Variants in VPS8 observed in about 807,000 individuals in gnomAD.
VPS8 encodes vacuolar protein sorting-associated protein 8 homolog.
In VPS8, 129 loss-of-function variants were observed where a neutral mutation model predicts 216.4. The ratio of observed to expected loss-of-function variants is 0.60; its 90% CI spans 0.52 to 0.69. VPS8 has a LOEUF of 0.69. Among genes scored for constraint, VPS8 ranks in the 30% least tolerant of loss-of-function variants. VPS8 has a pLI of 0.00. For synonymous variants in VPS8, 571 were observed against 565.4 expected, an observed-to-expected ratio of 1.01 and a Z score of -0.14; for missense variants, 1,531 against 1,683.5, an observed-to-expected ratio of 0.91 and a Z score of 1.59.
chr3:184,886,336 A>G (rs1180667097), intron 22 of VPS8, among the ~76,000 whole-genome samples, 180 bp downstream of exon 22: 1 of 152,212 alleles, frequency 6.6e-6, no homozygotes, highest in Non-Finnish European at 1.5e-5. Flanking sequence ...TCCCTAAGAC[A>G]GATGCTATGG....
intron 10 of VPS8, among the ~76,000 whole-genome samples, chr3:184,851,244 GATAA>G (rs1358808941): frequency 1.3e-5 from 2 of 152,188 alleles, no homozygotes; most frequent in African/African-American, 4.8e-5. Context: ...ATGCAGTTGA[GATAA>G]ATAACATATA....
At chr3:184,838,828 C>G in intron 6 of VPS8, 82 bp downstream of exon 6, 1 of 1,078,952 alleles carries the variant, frequency 9.3e-7, no homozygotes, top group Non-Finnish European at 1.3e-6. Flanking sequence ...GTTCAAAATA[C>G]TACATAAGTT....
intron 8 of VPS8, among the ~76,000 whole-genome samples, chr3:184,847,770 T>G (rs1398861749): frequency 2.0e-5 from 3 of 152,352 alleles, no homozygotes; most frequent in South Asian, 2.1e-4. Flanking sequence ...TTTCTTTTAA[T>G]TATTAGATAA....
intron 8 of VPS8, among the ~76,000 whole-genome samples, chr3:184,844,172 A>G (rs138984884): frequency 5.2e-4 from 79 of 152,350 alleles, no homozygotes; most frequent in Non-Finnish European, 1.1e-3. Flanking sequence ...TTGTAATCCC[A>G]GCACTTTAGG....
chr3:184,913,500 ACTTCT>A lies in VPS8; in HGVS notation c.2147-15_2147-11del, dbSNP rs1302466429. 1.3e-6 allele frequency: 2 copies of A among 1,570,648 alleles called. No individual in the cohort carries two copies. Among genetic ancestry groups the A allele is most frequent in the Non-Finnish European group, 8.6e-7 (1 of 1,160,102 alleles). ...GTTTTGAGAGAAAATTGCTGAAGAT[ACTTCT>A]CTTTCTATTTTAGATGAACAAGTTG... On this transcript the variant is annotated splice_polypyrimidine_tract_variant and intron_variant, in intron 25 of 47. Transcript: ENST00000625842.
At chr3:185,044,697 T>C (rs1712470018) in intron 46 of VPS8, among the ~76,000 whole-genome samples, 1 of 152,154 alleles carries the variant, frequency 6.6e-6, no homozygotes, top group Non-Finnish European at 1.5e-5. Flanking sequence ...GGGTCATGAC[T>C]ACTACTCTAA....
intron 24 of VPS8, 44 bp from the exon 25 acceptor site, chr3:184,900,877 C>T (rs368975933): frequency 6.7e-7 from 1 of 1,502,516 alleles, no homozygotes. Context: ...TAAATAATAT[C>T]ATTTGAGATG....
At position 184,940,242 on chromosome 3, in the gene VPS8, A is replaced by AGG; in HGVS notation, c.3035_3035+1dup. ...ATTTTTGAGGAGTCTTCTTGACCCA[A>AGG]GGTATGTTGACAAACTTTAGTCTTT... is the stretch of plus-strand genomic sequence containing the variant. On this transcript the variant is annotated frameshift_variant and splice_region_variant, in exon 36 of 48. Transcript: ENST00000625842. LOFTEE classifies it high-confidence loss of function. The AGG allele has an allele frequency of 7.0e-7, 1 of 1,435,926 alleles. No homozygotes were observed. Among genetic ancestry groups the AGG allele is most frequent in the South Asian group, 1.5e-5 (1 of 65,050 alleles). The allele number at this position is 1,435,926 out of a possible 1,614,324, so 88.9% of individuals were successfully genotyped here. A position where few individuals can be genotyped will look rare whatever the true frequency, so the allele number is the denominator to read the frequency against.
chr3:185,017,802 C>T (rs965718344), intron 45 of VPS8, among the ~76,000 whole-genome samples: 12 of 152,058 alleles, frequency 7.9e-5, no homozygotes, highest in Non-Finnish European at 1.8e-4. Context: ...TGGCCTGAGC[C>T]GGAAAGGTCC....
At chr3:184,857,576 G>C (rs1196657892) in intron 14 of VPS8, among the ~76,000 whole-genome samples, 1 of 152,144 alleles carries the variant, frequency 6.6e-6, no homozygotes, top group Non-Finnish European at 1.5e-5. Context: ...TTTATTATGA[G>C]AGAAAAACCT....
At chr3:184,940,321 G>T in intron 36 of VPS8, 78 bp downstream of exon 36, 1 of 541,652 alleles carries the variant, frequency 1.8e-6, no homozygotes, top group Non-Finnish European at 2.7e-6. Flanking sequence ...AAAGTTACCA[G>T]CCCATGGTAT....
At chr3:184,996,907 A>G in intron 44 of VPS8, among the ~76,000 whole-genome samples, 1 of 152,172 alleles carries the variant, frequency 6.6e-6, no homozygotes, top group Non-Finnish European at 1.5e-5. Flanking sequence ...GGAGTATAAG[A>G]GAAAAATGAA....
chr3:184,943,915 A>C (rs1327906858), intron 36 of VPS8, among the ~76,000 whole-genome samples: 1 of 151,638 alleles, frequency 6.6e-6, no homozygotes, highest in Non-Finnish European at 1.5e-5. Context: ...CAACCTGGCC[A>C]GCATGGTGAA....
In VPS8 at chr3:184,924,842, T is replaced by C. The variant is rs376041811; in HGVS notation, c.2455-20T>C. 1.9e-5 allele frequency: 31 copies of C among 1,596,462 alleles called. No individual in the cohort carries two copies. In the African/African-American group the frequency reaches 2.9e-4, roughly 15 times the overall value. The stretch of plus-strand genomic sequence containing the variant: ...CAAACCAAATGGTGTATTGAATAAA[T>C]GGTCTCCTTTGCTCTTCAGGTTATG... On this transcript the variant is annotated intron_variant, in intron 29 of 47. Transcript: ENST00000625842.
At chr3:185,026,410 C>CTT (rs3045678) in intron 46 of VPS8, among the ~76,000 whole-genome samples, 13 of 119,094 alleles carry the variant, frequency 1.1e-4, no homozygotes, top group South Asian at 2.8e-4. Context: ...GGCTGTATTT[C>CTT]TTTTTTTTTT....
At position 184,966,705 on chromosome 3, in the gene VPS8, A is replaced by C; in HGVS notation, c.3308A>C (p.Gln1103Pro). ...LQSKLQEVTH[Q>P]GENTKEDPSL... ...AGCAAACTTCAAGAGGTAACACATC[A>C]AGGTGAAAGTAAGTTCTTGAAAATA... The change falls in exon 39 of 48, where the codon CAA (glutamine) becomes CCA (proline). Residue 1103 changes from glutamine to proline, a missense_variant. Physicochemically the swap from Gln to Pro is moderately conservative, Grantham distance 76. Transcript: ENST00000625842. The C allele has an allele frequency of 6.3e-7, 1 of 1,588,634 alleles. No homozygotes were observed. The highest frequency in any genetic ancestry group is 8.6e-7 in the Non-Finnish European group (1 of 1,163,804).
chr3:184,984,183 C>CAAAAAAAAA (rs1453935100), intron 42 of VPS8, among the ~76,000 whole-genome samples: 46 of 2,886 alleles, frequency 0.016, 22 homozygotes, highest in Admixed American at 0.034. Context: ...GACTCCGTCT[C>CAAAAAAAAA]AAAAAAAAAA....
chr3:184,969,522 C>T (rs749923617), intron 39 of VPS8, among the ~76,000 whole-genome samples: 64 of 147,166 alleles, frequency 4.3e-4, no homozygotes, highest in Admixed American at 7.6e-4. Flanking sequence ...CTCCGCCTCC[C>T]GGGTTCAAGC....
chr3:185,024,129 AT>A (rs1194394735), intron 45 of VPS8, among the ~76,000 whole-genome samples: 2 of 152,108 alleles, frequency 1.3e-5, no homozygotes, highest in East Asian at 1.9e-4. Flanking sequence ...CCCAAATCAT[AT>A]TTTTTTCTTG....
Sources: gnomAD v4.1 joint callset for allele counts (sites outside exome capture counted in the v4.1 genomes callset) on GRCh38, gnomAD v4.1.1 for gene constraint, MANE v1.5 for transcripts, NCBI Gene and HGNC (gene_info 2026-07-23, HGNC 2026-07-21) for gene names.